The following MTUS2 variants were observed in gnomAD, a reference collection of about 807,000 sequenced individuals.
MTUS2 encodes microtubule-associated tumor suppressor candidate 2.
In MTUS2, 40 loss-of-function variants were observed where a neutral mutation model predicts 114.1. That is an observed-to-expected ratio of 0.35 (90% CI 0.27 to 0.46). The LOEUF (loss-of-function observed/expected upper bound fraction) is 0.46. Ranked by LOEUF, MTUS2 falls within the 20% of genes least tolerant of loss-of-function variation. The pLI is 1.00. For synonymous variants in MTUS2, 688 were observed against 672.0 expected, an observed-to-expected ratio of 1.02 and a Z score of -0.37; for missense variants, 1,679 against 1,705.4, an observed-to-expected ratio of 0.98 and a Z score of 0.27.
intron 2 of MTUS2, among the ~76,000 whole-genome samples, chr13:28,900,088 A>C (rs537278431): frequency 6.6e-6 from 1 of 152,058 alleles, no homozygotes; most frequent in African/African-American, 2.4e-5. Flanking sequence ...GGGTTTCACC[A>C]TGTCGGCCAG....
chr13:29,170,248 TAGTG>T (rs776915437), intron 5 of MTUS2, among the ~76,000 whole-genome samples: 17 of 75,258 alleles, frequency 2.3e-4, no homozygotes, highest in Non-Finnish European at 3.6e-4. Flanking sequence ...GAGCTTTGCT[TAGTG>T]AGAGGAAGTG....
chr13:28,885,836 A>G (rs1482544067), intron 2 of MTUS2, among the ~76,000 whole-genome samples: 1 of 152,250 alleles, frequency 6.6e-6, no homozygotes, highest in African/African-American at 2.4e-5. Flanking sequence ...AAAATCAAGG[A>G]AAACAAGTAA....
chr13:28,909,875 A>G (rs1880296355), intron 2 of MTUS2, among the ~76,000 whole-genome samples: 2 of 152,120 alleles, frequency 1.3e-5, no homozygotes, highest in Non-Finnish European at 2.9e-5. Context: ...GCCGTTCTTC[A>G]GCAATTGTTT....
chr13:29,249,146 C>A (rs1897035397), intron 5 of MTUS2, among the ~76,000 whole-genome samples: 1 of 152,068 alleles, frequency 6.6e-6, no homozygotes, highest in African/African-American at 2.4e-5. Context: ...CACCACTATG[C>A]CTGGCTAATT....
intron 8 of MTUS2, among the ~76,000 whole-genome samples, chr13:29,410,370 G>T (rs995411430): frequency 6.6e-6 from 1 of 152,050 alleles, no homozygotes; most frequent in African/African-American, 2.4e-5. Flanking sequence ...CAGGTGATCC[G>T]CCCGCCTCGG....
intron 2 of MTUS2, among the ~76,000 whole-genome samples, chr13:28,992,120 T>G (rs779712498): frequency 6.6e-6 from 1 of 152,170 alleles, no homozygotes; most frequent in Non-Finnish European, 1.5e-5. Flanking sequence ...GTTCCCACAG[T>G]GACACCTCTT....
intron 8 of MTUS2, among the ~76,000 whole-genome samples, chr13:29,389,243 A>G (rs1036862339): frequency 3.3e-5 from 4 of 121,958 alleles, no homozygotes; most frequent in South Asian, 2.6e-4. Context: ...GTATGTGTGT[A>G]TATATATGTA....
intron 7 of MTUS2, among the ~76,000 whole-genome samples, chr13:29,345,333 T>C (rs1270075336): frequency 6.6e-6 from 1 of 152,046 alleles, no homozygotes; most frequent in Non-Finnish European, 1.5e-5. Flanking sequence ...CCCAAACTTC[T>C]TGGAGGCTTT....
At chr13:28,871,448 A>G (rs1360554330) in intron 2 of MTUS2, among the ~76,000 whole-genome samples, 1 of 152,208 alleles carries the variant, frequency 6.6e-6, no homozygotes, top group East Asian at 1.9e-4. Context: ...CACTTATTTT[A>G]TAAGATGATA....
chr13:29,109,674 C>T (rs1220470736), intron 5 of MTUS2, among the ~76,000 whole-genome samples: 1 of 152,112 alleles, frequency 6.6e-6, no homozygotes, highest in Admixed American at 6.5e-5. Flanking sequence ...ATGGGAGCAT[C>T]AGATGGAATT....
chr13:29,277,335 A>T (rs1020703097), intron 5 of MTUS2, among the ~76,000 whole-genome samples: 1 of 152,232 alleles, frequency 6.6e-6, no homozygotes, highest in African/African-American at 2.4e-5. Context: ...TTGCAGTCGG[A>T]AAAAGAAGAC....
intron 4 of MTUS2, among the ~76,000 whole-genome samples, chr13:29,075,183 C>CATTTCAT (rs1347777657): frequency 6.6e-6 from 1 of 152,222 alleles, no homozygotes; most frequent in African/African-American, 2.4e-5. Flanking sequence ...CATATATCAG[C>CATTTCAT]ATTTCATTCC....
chr13:29,427,026 C>G (rs1018115026), intron 8 of MTUS2, among the ~76,000 whole-genome samples: 3 of 152,220 alleles, frequency 2.0e-5, no homozygotes, highest in Admixed American at 1.3e-4. Context: ...CCTCTGAGGT[C>G]TGCCCAAGCT....
intron 2 of MTUS2, among the ~76,000 whole-genome samples, chr13:29,004,621 C>A (rs147857360): frequency 6.6e-6 from 1 of 152,080 alleles, no homozygotes; most frequent in Non-Finnish European, 1.5e-5. Context: ...CAGAAGTTGC[C>A]CAATATAATA....
chr13:28,881,808 G>C (rs1271603499), intron 2 of MTUS2, among the ~76,000 whole-genome samples: 4 of 152,166 alleles, frequency 2.6e-5, no homozygotes, highest in Non-Finnish European at 5.9e-5. Context: ...TTTGAAAAAA[G>C]ATGACAGTTT....
At chr13:28,913,631 G>C (rs1314231136) in intron 2 of MTUS2, among the ~76,000 whole-genome samples, 1 of 152,008 alleles carries the variant, frequency 6.6e-6, no homozygotes, top group Non-Finnish European at 1.5e-5. Context: ...TGGCCTCATA[G>C]AATGAGTTAA....
At chr13:28,890,007 C>A (rs140975215) in intron 2 of MTUS2, among the ~76,000 whole-genome samples, 86 of 152,240 alleles carry the variant, frequency 5.6e-4, no homozygotes, top group African/African-American at 2.0e-3. Flanking sequence ...TTTTGGAGGG[C>A]ATAGCAAGAA....
intron 4 of MTUS2, among the ~76,000 whole-genome samples, chr13:29,091,966 G>T (rs1423109069): frequency 3.9e-5 from 6 of 152,194 alleles, no homozygotes. Context: ...GGTGGAGGTG[G>T]TCATTGTCTC....
chr13:29,498,048 AGCT>A (rs769366355), intron 13 of MTUS2, among the ~76,000 whole-genome samples: 180 of 152,330 alleles, frequency 1.2e-3, no homozygotes, highest in Non-Finnish European at 6.6e-4. Flanking sequence ...TAAGAGTCCC[AGCT>A]ACCTGGTGAA....
Sources: allele counts gnomAD v4.1 joint callset (sites outside exome capture counted in the v4.1 genomes callset), GRCh38; gene constraint gnomAD v4.1.1; transcripts MANE v1.5; gene names NCBI Gene and HGNC (gene_info 2026-07-23, HGNC 2026-07-21).